PXDNL: variants seen among roughly 807,000 people sequenced by gnomAD.
The protein encoded by PXDNL is probable oxidoreductase PXDNL.
In PXDNL, 145 loss-of-function variants were observed where a neutral mutation model predicts 150.8. The observed-to-expected ratio is 0.96, with a 90% CI of 0.84 to 1.10. PXDNL has a LOEUF of 1.10. Among genes scored for constraint, PXDNL ranks in the 50% least tolerant of loss-of-function variants. The pLI, the probability that PXDNL is intolerant of heterozygous loss-of-function variation, is 0.00. For synonymous variants in PXDNL, 757 were observed against 725.7 expected, an observed-to-expected ratio of 1.04 and a Z score of -0.69; for missense variants, 2,087 against 1,873.9, an observed-to-expected ratio of 1.11 and a Z score of -2.10.
intron 1 of PXDNL, among the ~76,000 whole-genome samples, chr8:51,696,346 A>T (rs13277004): frequency 0.69 from 104,977 of 152,150 alleles, 37,188 homozygotes; most frequent in East Asian, 0.82. Context: ...TTGCTCTGCC[A>T]TGTGAGGACA....
At chr8:51,684,110 G>A (rs1425191752) in intron 1 of PXDNL, among the ~76,000 whole-genome samples, 1 of 152,150 alleles carries the variant, frequency 6.6e-6, no homozygotes, top group East Asian at 1.9e-4. Context: ...AATCAAAGCT[G>A]CGTTTGGTTT....
intron 1 of PXDNL, among the ~76,000 whole-genome samples, chr8:51,782,113 C>A (rs536586978): frequency 6.6e-6 from 1 of 152,254 alleles, no homozygotes; most frequent in South Asian, 2.1e-4. Flanking sequence ...GAAAGACTGA[C>A]CTCACAGGAC....
chr8:51,333,431 A>T (rs6981422), intron 21 of PXDNL, among the ~76,000 whole-genome samples: 33,975 of 152,138 alleles, frequency 0.22, 3,904 homozygotes, highest in Middle Eastern at 0.3. Flanking sequence ...TAAGTTAAAA[A>T]GTAAAAGCAA....
chr8:51,603,050 G>T (rs1372850812), intron 2 of PXDNL, among the ~76,000 whole-genome samples: 1 of 150,976 alleles, frequency 6.6e-6, no homozygotes, highest in Non-Finnish European at 1.5e-5. Flanking sequence ...CATTACTATT[G>T]ATTGATATAT....
chr8:51,432,447 C>T (rs2060105), intron 12 of PXDNL, among the ~76,000 whole-genome samples: 144,449 of 152,308 alleles, frequency 0.95, 68,749 homozygotes, highest in Non-Finnish European at 0.99. Context: ...AAGAACTCTT[C>T]TAGGGTTTTG....
intron 1 of PXDNL, among the ~76,000 whole-genome samples, chr8:51,776,220 T>C (rs1007347472): frequency 3.3e-5 from 5 of 152,336 alleles, no homozygotes; most frequent in Middle Eastern, 3.4e-3. Flanking sequence ...CCCAGTCCTG[T>C]GGTCCTATGA....
chr8:51,374,747 GCAGA>G lies in PXDNL; in HGVS notation c.3558-20_3558-17del, dbSNP rs1179520022. Reference sequence around the variant, plus strand: ...GCCGTACAACCTGGAACAGAGACAGGCAGACAGCGCACACCTGAGACTGAAAGTG... The same window carrying G: ...GCCGTACAACCTGGAACAGAGACAGGCAGCGCACACCTGAGACTGAAAGTG... On this transcript the variant is annotated splice_polypyrimidine_tract_variant and intron_variant, in intron 17 of 22. Transcript: ENST00000356297. 3.1e-6 allele frequency: 5 copies of G among 1,612,816 alleles called. No individual in the cohort carries two copies. Among genetic ancestry groups the G allele is most frequent in the Non-Finnish European group, 4.2e-6 (5 of 1,179,220 alleles).
intron 1 of PXDNL, among the ~76,000 whole-genome samples, chr8:51,704,733 T>G (rs892489061): frequency 6.6e-6 from 1 of 152,210 alleles, no homozygotes; most frequent in African/African-American, 2.4e-5. Flanking sequence ...TGATTTCTAA[T>G]GAGGTTAAGC....
chr8:51,345,950 G>T lies in PXDNL; in HGVS notation c.3902-3C>A, dbSNP rs763352489. 5.7e-6 allele frequency: 9 copies of T among 1,590,740 alleles called. No homozygotes were observed. Among genetic ancestry groups the T allele is most frequent in the Non-Finnish European group, 7.8e-6 (9 of 1,158,862 alleles). ...GAACTGTCCTCTACTCCTACAGTCT[G>T]TGGGGAAAGAAGTAACCACAATAGC... On this transcript the variant is annotated splice_polypyrimidine_tract_variant and splice_region_variant and intron_variant, in intron 19 of 22. Transcript: ENST00000356297.
At chr8:51,514,869 A>G (rs577287982) in intron 4 of PXDNL, among the ~76,000 whole-genome samples, 192 of 152,340 alleles carry the variant, frequency 1.3e-3, no homozygotes, top group Non-Finnish European at 1.9e-3. Context: ...AGACAAGCCA[A>G]TGTCCTTTTC....
At chr8:51,580,801 G>A (rs183362877) in intron 3 of PXDNL, among the ~76,000 whole-genome samples, 5 of 152,032 alleles carry the variant, frequency 3.3e-5, no homozygotes, top group South Asian at 2.1e-4. Flanking sequence ...AAGAAATAAC[G>A]TCTCACATGT....
chr8:51,604,157 C>A (rs918075720), intron 2 of PXDNL, among the ~76,000 whole-genome samples: 5 of 151,912 alleles, frequency 3.3e-5, no homozygotes, highest in Non-Finnish European at 7.4e-5. Context: ...GGGTATATAC[C>A]CAAAGGATTA....
intron 2 of PXDNL, among the ~76,000 whole-genome samples, chr8:51,599,319 G>A (rs1199548350): frequency 1.3e-5 from 2 of 151,844 alleles, no homozygotes; most frequent in African/African-American, 2.4e-5. Flanking sequence ...TTCCAGGTGT[G>A]ATATCAGATT....
intron 2 of PXDNL, among the ~76,000 whole-genome samples, chr8:51,620,762 G>T (rs192163592): frequency 6.6e-6 from 1 of 152,120 alleles, no homozygotes; most frequent in Non-Finnish European, 1.5e-5. Flanking sequence ...GCCCAGGCTG[G>T]TCTGAACTCC....
chr8:51,759,668 G>T (rs879811189), intron 1 of PXDNL, among the ~76,000 whole-genome samples: 8 of 152,200 alleles, frequency 5.3e-5, no homozygotes, highest in Non-Finnish European at 8.8e-5. Flanking sequence ...GAGCTGTGCT[G>T]CAAGAAACTA....
chr8:51,539,413 T>C (rs1812163160), intron 4 of PXDNL, among the ~76,000 whole-genome samples: 1 of 152,086 alleles, frequency 6.6e-6, no homozygotes, highest in African/African-American at 2.4e-5. Context: ...ATGAGAAATA[T>C]AGTTATGTTG....
At chr8:51,631,935 A>G (rs1303505455) in intron 2 of PXDNL, among the ~76,000 whole-genome samples, 1 of 152,182 alleles carries the variant, frequency 6.6e-6, no homozygotes, top group Non-Finnish European at 1.5e-5. Context: ...GGAGGAGAAG[A>G]AGAACAGGAA....
chr8:51,390,751 T>C (rs896170832), intron 17 of PXDNL, among the ~76,000 whole-genome samples: 1 of 152,032 alleles, frequency 6.6e-6, no homozygotes, highest in Admixed American at 6.5e-5. Flanking sequence ...TTTTTTATTT[T>C]ATTATTATTA....
chr8:51,471,560 A>G (rs1330767333), intron 8 of PXDNL, among the ~76,000 whole-genome samples: 3 of 152,240 alleles, frequency 2.0e-5, no homozygotes, highest in Non-Finnish European at 2.9e-5. Context: ...ATGTGGCTAC[A>G]TCAAATTATA....
Sources: allele counts gnomAD v4.1 joint callset (sites outside exome capture counted in the v4.1 genomes callset), GRCh38; gene constraint gnomAD v4.1.1; transcripts MANE v1.5; gene names NCBI Gene and HGNC (gene_info 2026-07-23, HGNC 2026-07-21).